The following ELK4 variants were observed in gnomAD, a reference collection of about 807,000 sequenced individuals.
ELK4 encodes ETS transcription factor ELK4.
In ELK4, 16 loss-of-function variants were observed where a neutral mutation model predicts 29.6. The ratio of observed to expected loss-of-function variants is 0.54; its 90% CI spans 0.37 to 0.82. The LOEUF (loss-of-function observed/expected upper bound fraction) is 0.82. Among genes scored for constraint, ELK4 ranks in the 40% least tolerant of loss-of-function variants. The pLI is 0.00. For synonymous variants in ELK4, 213 were observed against 191.1 expected, an observed-to-expected ratio of 1.11 and a Z score of -0.95; for missense variants, 465 against 507.1, an observed-to-expected ratio of 0.92 and a Z score of 0.80.
At chr1:205,631,408 G>C (rs1247606237) in intron 1 of ELK4, among the ~76,000 whole-genome samples, 1 of 1,786 alleles carries the variant, frequency 5.6e-4, no homozygotes, top group Non-Finnish European at 0.023. Context: ...GAGACTTCGG[G>C]GGACCAAGAG....
chr1:205,630,139 G>C (rs1292222155), intron 1 of ELK4, among the ~76,000 whole-genome samples: 1 of 151,286 alleles, frequency 6.6e-6, no homozygotes, highest in African/African-American at 2.4e-5. Context: ...CCTTCTTACA[G>C]GAATCCCGAG....
At chr1:205,623,959 G>A in intron 1 of ELK4, 68 bp from the exon 2 acceptor site, 2 of 1,413,486 alleles carry the variant, frequency 1.4e-6, no homozygotes, top group East Asian at 2.3e-5. Context: ...TGTATGTCAT[G>A]CACTGTTTTA....
In ELK4 at chr1:205,620,501, T is replaced by G; in HGVS notation, c.545A>C (p.Gln182Pro). 1.2e-6 allele frequency: 2 copies of G among 1,614,206 alleles called. No individual in the cohort carries two copies. Among genetic ancestry groups the G allele is most frequent in the South Asian group, 2.2e-5 (2 of 91,086 alleles). ...TTTGATGACAGATGGTGTGGGCTCCTGAGGAGATTTTTTCTCTGCCAGTTT... is the reference window on the plus strand; with the variant it reads ...TTTGATGACAGATGGTGTGGGCTCCGGAGGAGATTTTTTCTCTGCCAGTTT... ...AEKLAEKKSP[Q>P]EPTPSVIKFV... is the part of the protein sequence containing the mutation. Residue 182 changes from glutamine (Q) to proline (P), a missense_variant, in exon 3 of 5, where the codon CAG becomes CCG. Physicochemically the swap from Gln to Pro is moderately conservative, Grantham distance 76. This residue lies in a region of ELK4 where 385 missense variants were observed against 387.5 expected (regional missense o/e 0.99). Coordinates refer to ENST00000357992, the MANE Select transcript of ELK4 (RefSeq NM_001973.4).
chr1:205,618,976 C>A lies in ELK4; in HGVS notation c.1178G>T (p.Gly393Val). 3 of 1,610,226 alleles carry A rather than the reference C, an allele frequency of 1.9e-6. No homozygotes were observed. The highest frequency in any genetic ancestry group is 2.5e-6 in the Non-Finnish European group (3 of 1,178,510). Residue 393 changes from glycine to valine, a missense_variant, in exon 4 of 5, where the codon GGT becomes GTT. This residue lies in a region of ELK4 where 80 missense variants were observed against 119.6 expected (regional missense o/e 0.67). Coordinates refer to ENST00000357992, the MANE Select transcript of ELK4 (RefSeq NM_001973.4). ...AATTACCTGGAAAAGTGTGTTAGCA[C>A]CTTGCAGTCTGGCTGGACTTAGGGG... The part of the protein sequence containing the change: ...VAPLSPARLQ[G>V]ANTLFQFPSV...
chr1:205,625,117 A>C (rs1207100260), intron 1 of ELK4, among the ~76,000 whole-genome samples: 2 of 152,186 alleles, frequency 1.3e-5, no homozygotes, highest in African/African-American at 4.8e-5. Flanking sequence ...AAATTATATC[A>C]ATACCATTAA....
intron 1 of ELK4, among the ~76,000 whole-genome samples, chr1:205,628,921 C>G (rs995916121): frequency 6.6e-6 from 1 of 151,250 alleles, no homozygotes; most frequent in African/African-American, 2.4e-5. Context: ...CGCCTATAAT[C>G]CCAACACTTT....
Position 205,613,525 on chromosome 1 carries a change from T to A in ELK4, c.*3021A>T, listed in dbSNP as rs1670185302. ...CTGAGCCAACTGTGCACATCCTTTC[T>A]GAACTCTAAGGTGGTAGCTTGAAAT... On this transcript the variant is annotated 3_prime_UTR_variant, in exon 5 of 5. Coordinates refer to ENST00000357992, the MANE Select transcript of ELK4 (RefSeq NM_001973.4). 1 of 183,292 alleles carries A rather than the reference T, an allele frequency of 5.5e-6. No homozygotes were observed. Among genetic ancestry groups the A allele is most frequent in the Non-Finnish European group, 1.2e-5 (1 of 86,258 alleles). The allele number at this position is 183,292 out of a possible 1,614,324, so 11.4% of individuals were successfully genotyped here.
chr1:205,629,827 G>A (rs569139376), intron 1 of ELK4, among the ~76,000 whole-genome samples: 2 of 152,158 alleles, frequency 1.3e-5, no homozygotes, highest in Non-Finnish European at 2.9e-5. Context: ...GGAGGCCAAG[G>A]GGGGAGCTTG....
In ELK4 at chr1:205,624,030, C is replaced by T. The variant is rs1571503214; in HGVS notation, c.-9-139G>A. ...TATAAGGTAGATACTACTGCATCCT[C>T]ATTTTACGTAAGAAAAAACTGATTC... On this transcript the variant is annotated intron_variant, in intron 1 of 4. Transcript: ENST00000357992. 9 of 752,162 alleles carry T rather than the reference C, an allele frequency of 1.2e-5. 1 individual carries two copies. The highest frequency in any genetic ancestry group is 2.7e-5 in the East Asian group (1 of 37,082). 46.6% of individuals were successfully genotyped at this position (752,162 alleles called of 1,614,324 possible). A position where few individuals can be genotyped will look rare whatever the true frequency, so the allele number is the denominator to read the frequency against.
In ELK4 at chr1:205,612,992, G is replaced by A. The variant is rs1386691125; in HGVS notation, c.*3554C>T. ...ATATTTTAACTCTAAGAAGCTTACGGTTGACCTTTCAAGGGCCTCTAATTC... is the reference window on the plus strand; with the variant it reads ...ATATTTTAACTCTAAGAAGCTTACGATTGACCTTTCAAGGGCCTCTAATTC... On this transcript the variant is annotated 3_prime_UTR_variant, in exon 5 of 5. Transcript: ENST00000357992. 4.8e-6 allele frequency: 1 copy of A among 206,206 alleles called. No homozygotes were observed. The highest frequency in any genetic ancestry group is 2.3e-5 in the African/African-American group (1 of 43,366). The allele number at this position is 206,206 out of a possible 1,614,324, so 12.8% of individuals were successfully genotyped here.
At chr1:205,629,376 A>G (rs1334531972) in intron 1 of ELK4, among the ~76,000 whole-genome samples, 2 of 152,148 alleles carry the variant, frequency 1.3e-5, no homozygotes, top group East Asian at 3.9e-4. Flanking sequence ...AAAACTCTTC[A>G]TTTTAGTTTC....
rs1159676832 is a variant in ELK4 at position 205,611,417 on chromosome 1, G to A, written c.*5129C>T. On this transcript the variant is annotated 3_prime_UTR_variant, in exon 5 of 5. Transcript: ENST00000357992. The stretch of plus-strand genomic sequence containing the variant: ...TAAGATTAAACTTCAACTTCAGTAA[G>A]CAGAGTTCTGATGACATAAGAGGAA... 2.4e-5 allele frequency: 5 copies of A among 210,280 alleles called. No homozygotes were observed. The highest frequency in any genetic ancestry group is 9.1e-5 in the African/African-American group (4 of 44,026). The allele number at this position is 210,280 out of a possible 1,614,324, so 13.0% of individuals were successfully genotyped here. A position where few individuals can be genotyped will look rare whatever the true frequency, so the allele number is the denominator to read the frequency against.
At chr1:205,623,478 G>GT (rs983002217) in intron 2 of ELK4, among the ~76,000 whole-genome samples, 198 bp downstream of exon 2, 59 of 151,014 alleles carry the variant, frequency 3.9e-4, no homozygotes, top group South Asian at 1.9e-3. Context: ...CCCAGCTAAC[G>GT]TTTTTTTTGT....
chr1:205,616,702 C>G (rs1324225342), intron 4 of ELK4, 58 bp from the exon 5 acceptor site: 12 of 1,450,864 alleles, frequency 8.3e-6, no homozygotes, highest in Non-Finnish European at 9.6e-6. Flanking sequence ...CTTTTACTTT[C>G]TATCCTACTC....
At chr1:205,627,649 CA>C (rs1254728977) in intron 1 of ELK4, among the ~76,000 whole-genome samples, 1 of 152,166 alleles carries the variant, frequency 6.6e-6, no homozygotes, top group Non-Finnish European at 1.5e-5. Flanking sequence ...ACAAACAACA[CA>C]ACAAACACTA....
chr1:205,626,850 G>A (rs1460041827), intron 1 of ELK4, among the ~76,000 whole-genome samples: 1 of 152,120 alleles, frequency 6.6e-6, no homozygotes, highest in Non-Finnish European at 1.5e-5. Context: ...ACTTACACAG[G>A]ACTGTTCATA....
chr1:205,616,313 GA>G lies in ELK4; in HGVS notation c.*232del. 3 of 401,054 alleles carry G rather than the reference GA, an allele frequency of 7.5e-6. No homozygotes were observed. The highest frequency in any genetic ancestry group is 1.4e-5 in the Non-Finnish European group (3 of 220,006). The allele number at this position is 401,054 out of a possible 1,614,324, so 24.8% of individuals were successfully genotyped here. ...GGAAGGAAGGAAAGAAAAAGAAAAG[GA>G]AAAGACAGAGGGAGGTGGAGTTTAG... On this transcript the variant is annotated 3_prime_UTR_variant, in exon 5 of 5. Coordinates refer to ENST00000357992, the MANE Select transcript of ELK4 (RefSeq NM_001973.4).
intron 1 of ELK4, 27 bp from the exon 2 acceptor site, chr1:205,623,918 A>G: frequency 6.2e-7 from 1 of 1,603,916 alleles, no homozygotes; most frequent in Non-Finnish European, 8.5e-7. Context: ...AAGATATGTG[A>G]TAATATTAAC....
At chr1:205,616,964 G>A (rs1449707432) in intron 4 of ELK4, among the ~76,000 whole-genome samples, 23 of 152,200 alleles carry the variant, frequency 1.5e-4, no homozygotes, top group Non-Finnish European at 8.8e-5. Flanking sequence ...GAAAGTTCAA[G>A]TAAATGACAA....
Sources: allele counts gnomAD v4.1 joint callset (sites outside exome capture counted in the v4.1 genomes callset), GRCh38; gene constraint gnomAD v4.1.1; regional missense constraint gnomAD v4.1.1; transcripts MANE v1.5; gene names NCBI Gene and HGNC (gene_info 2026-07-23, HGNC 2026-07-21).